The following GPC6 variants were observed in gnomAD, a reference collection of about 807,000 sequenced individuals.
GPC6 encodes the protein glypican 6.
In GPC6, 14 loss-of-function variants were observed where a neutral mutation model predicts 55.2. The observed-to-expected ratio is 0.25, with a 90% CI of 0.17 to 0.40. GPC6 has a LOEUF of 0.40. GPC6 is among the 10% of genes least tolerant of loss of function. The pLI is 1.00. For missense variants in GPC6, 641 were observed against 708.5 expected, an observed-to-expected ratio of 0.90 and a Z score of 1.08; for synonymous variants, 278 against 259.6, an observed-to-expected ratio of 1.07 and a Z score of -0.68.
chr13:93,532,443 G>A (rs2139415074), intron 1 of GPC6, among the ~76,000 whole-genome samples: 1 of 152,202 alleles, frequency 6.6e-6, no homozygotes, highest in East Asian at 1.9e-4. Context: ...TGAATAAATT[G>A]TATATATAGT....
chr13:93,843,378 A>G (rs1235016281), intron 3 of GPC6, among the ~76,000 whole-genome samples: 1 of 152,128 alleles, frequency 6.6e-6, no homozygotes. Context: ...CCTACTCCAC[A>G]TAGTTCCATA....
intron 3 of GPC6, among the ~76,000 whole-genome samples, chr13:93,919,380 A>G (rs1483124841): frequency 6.6e-6 from 1 of 152,332 alleles, no homozygotes; most frequent in Non-Finnish European, 1.5e-5. Flanking sequence ...TCTATAAAAA[A>G]CACTGCTTCT....
At chr13:94,394,802 A>T (rs1421276197) in intron 7 of GPC6, among the ~76,000 whole-genome samples, 1 of 152,196 alleles carries the variant, frequency 6.6e-6, no homozygotes, top group Non-Finnish European at 1.5e-5. Flanking sequence ...ATGCGCTGTT[A>T]CTTGTTTTTA....
At chr13:94,372,735 C>T in intron 6 of GPC6, among the ~76,000 whole-genome samples, 1 of 152,186 alleles carries the variant, frequency 6.6e-6, no homozygotes, top group East Asian at 1.9e-4. Context: ...GCCTGCCTGC[C>T]TCTGTAGGCT....
chr13:94,049,287 A>G (rs544981623), intron 4 of GPC6, among the ~76,000 whole-genome samples: 3 of 150,330 alleles, frequency 2.0e-5, no homozygotes, highest in South Asian at 2.1e-4. Flanking sequence ...TGTGGTCACT[A>G]TCTCCTCCCT....
intron 2 of GPC6, among the ~76,000 whole-genome samples, chr13:93,594,126 CT>C (rs1877616695): frequency 6.6e-6 from 1 of 151,440 alleles, no homozygotes; most frequent in African/African-American, 2.4e-5. Context: ...AAGCAGGATA[CT>C]TTTTTCTATA....
chr13:93,352,786 G>A (rs909211977), intron 1 of GPC6, among the ~76,000 whole-genome samples: 4 of 152,122 alleles, frequency 2.6e-5, no homozygotes, highest in Non-Finnish European at 5.9e-5. Context: ...TGTCTGAGCA[G>A]GGGAGGGTCT....
chr13:93,999,235 G>GTGT (rs1363671586), intron 3 of GPC6, among the ~76,000 whole-genome samples: 28 of 152,182 alleles, frequency 1.8e-4, no homozygotes, highest in Admixed American at 1.2e-3. Flanking sequence ...CTGTGTCCAT[G>GTGT]TGTTCTCTTT....
At chr13:94,366,357 T>G (rs879295666) in intron 6 of GPC6, among the ~76,000 whole-genome samples, 9 of 152,170 alleles carry the variant, frequency 5.9e-5, no homozygotes, top group Non-Finnish European at 1.3e-4. Flanking sequence ...AAGGGGTCAA[T>G]CCTATGCCAC....
At chr13:93,463,173 G>A (rs972077889) in intron 1 of GPC6, among the ~76,000 whole-genome samples, 12 of 152,180 alleles carry the variant, frequency 7.9e-5, no homozygotes, top group African/African-American at 2.9e-4. Flanking sequence ...GAAATTACTT[G>A]TGGTATAATC....
intron 3 of GPC6, among the ~76,000 whole-genome samples, chr13:93,938,057 C>A (rs563482047): frequency 2.1e-5 from 3 of 145,170 alleles, no homozygotes; most frequent in Admixed American, 7.2e-5. Flanking sequence ...CCAAAAATAT[C>A]TCTTATGATC....
chr13:93,610,935 C>G (rs1878434628), intron 2 of GPC6, among the ~76,000 whole-genome samples: 1 of 152,064 alleles, frequency 6.6e-6, no homozygotes, highest in Non-Finnish European at 1.5e-5. Flanking sequence ...TACAACTGGG[C>G]AGATAAGAGA....
At chr13:94,252,095 C>T (rs1007042773) in intron 4 of GPC6, among the ~76,000 whole-genome samples, 1 of 152,120 alleles carries the variant, frequency 6.6e-6, no homozygotes, top group Non-Finnish European at 1.5e-5. Flanking sequence ...TGCTGTAATG[C>T]TCCTTGGGTG....
intron 2 of GPC6, among the ~76,000 whole-genome samples, chr13:93,796,261 A>C (rs550597859): frequency 6.6e-6 from 1 of 152,120 alleles, no homozygotes; most frequent in Non-Finnish European, 1.5e-5. Context: ...GCAGTCTAGT[A>C]ATTGGATTTT....
At chr13:93,860,573 T>C (rs1185132415) in intron 3 of GPC6, among the ~76,000 whole-genome samples, 1 of 151,698 alleles carries the variant, frequency 6.6e-6, no homozygotes, top group Non-Finnish European at 1.5e-5. Flanking sequence ...GAAATTTCTG[T>C]GCAGAATGTC....
At chr13:94,055,451 A>G (rs1884098826) in intron 4 of GPC6, among the ~76,000 whole-genome samples, 2 of 152,190 alleles carry the variant, frequency 1.3e-5, no homozygotes, top group South Asian at 4.1e-4. Context: ...TTAAAATTTA[A>G]ATGTAAATCT....
the GPC6 span, among the ~76,000 whole-genome samples, chr13:93,218,193 CT>C: frequency 2.0e-5 from 3 of 151,866 alleles, no homozygotes; most frequent in South Asian, 2.1e-4. Flanking sequence ...TTATTTCCCC[CT>C]GAAATGTAAT....
intron 1 of GPC6, among the ~76,000 whole-genome samples, chr13:93,306,269 T>C (rs148054645): frequency 0.015 from 2,356 of 152,284 alleles, 57 homozygotes; most frequent in African/African-American, 0.054. Flanking sequence ...TTAAAGCTAA[T>C]GATGAGAGTA....
At chr13:93,550,663 G>A (rs1265580062) in intron 2 of GPC6, among the ~76,000 whole-genome samples, 8 of 151,958 alleles carry the variant, frequency 5.3e-5, no homozygotes, top group Admixed American at 3.3e-4. Context: ...TGGCAATAAC[G>A]TAATGATTTT....
Sources: allele counts gnomAD v4.1 joint callset (sites outside exome capture counted in the v4.1 genomes callset), GRCh38; gene constraint gnomAD v4.1.1; transcripts MANE v1.5; gene names NCBI Gene and HGNC (gene_info 2026-07-23, HGNC 2026-07-21).